CDH1: variants seen among roughly 807,000 people sequenced by gnomAD.
CDH1 encodes cadherin-1.
CDH1 carries 35 observed loss-of-function variants against 84.5 expected under a neutral mutation model. The observed-to-expected ratio is 0.41, with a 90% confidence interval of 0.32 to 0.55. CDH1 has a LOEUF of 0.55. CDH1 is among the 20% of genes least tolerant of loss of function. The pLI is 0.19. For missense variants in CDH1, 994 were observed against 1,126.6 expected, an observed-to-expected ratio of 0.88 and a Z score of 1.68; for synonymous variants, 417 against 439.0, an observed-to-expected ratio of 0.95 and a Z score of 0.63.
chr16:68,756,588 C>T (rs899188040), intron 2 of CDH1, among the ~76,000 whole-genome samples: 14 of 152,250 alleles, frequency 9.2e-5, no homozygotes, highest in African/African-American at 3.4e-4. Context: ...TGCTTGGTGA[C>T]GTTCATGTGG....
intron 2 of CDH1, among the ~76,000 whole-genome samples, chr16:68,785,542 TG>T (rs1960023086): frequency 6.6e-6 from 1 of 152,116 alleles, no homozygotes; most frequent in Non-Finnish European, 1.5e-5. Context: ...TGTGCAGTCG[TG>T]GCTCACTGCA....
At chr16:68,780,297 A>ATT (rs1425325391) in intron 2 of CDH1, among the ~76,000 whole-genome samples, 9 of 151,462 alleles carry the variant, frequency 5.9e-5, no homozygotes, top group Non-Finnish European at 1.2e-4. Flanking sequence ...ATTTTATTTT[A>ATT]TTATTTTTTG....
intron 15 of CDH1, 96 bp from the exon 16 acceptor site, chr16:68,833,194 G>A (rs1010685390): frequency 3.3e-5 from 33 of 998,662 alleles, no homozygotes; most frequent in Non-Finnish European, 5.0e-5. Flanking sequence ...AAGTCTGGGT[G>A]CATTGTCGTA....
At chr16:68,747,657 G>A (rs930349499) in intron 2 of CDH1, among the ~76,000 whole-genome samples, 1 of 152,046 alleles carries the variant, frequency 6.6e-6, no homozygotes, top group Non-Finnish European at 1.5e-5. Flanking sequence ...TTATGCCAGC[G>A]TAAATTCCTA....
In CDH1 at chr16:68,835,357, A is replaced by C. The variant is rs1487994993; in HGVS notation, c.*1858A>C. The C allele has an allele frequency of 4.5e-6, 1 of 223,472 alleles. No individual in the cohort carries two copies. Among genetic ancestry groups the C allele is most frequent in the Non-Finnish European group, 8.9e-6 (1 of 111,732 alleles). 13.8% of individuals were successfully genotyped at this position (223,472 alleles called of 1,614,324 possible). A position where few individuals can be genotyped will look rare whatever the true frequency, so the allele number is the denominator to read the frequency against. On this transcript the variant is annotated 3_prime_UTR_variant, in exon 16 of 16. Transcript: ENST00000261769. ...TTTGGAATTGTCTTGATTTTTCGGC[A>C]GTTCAAGCTATATCGAATATAGTTC... is the stretch of plus-strand genomic sequence containing the variant.
At chr16:68,775,973 A>C (rs967736999) in intron 2 of CDH1, among the ~76,000 whole-genome samples, 12 of 152,126 alleles carry the variant, frequency 7.9e-5, no homozygotes, top group African/African-American at 2.7e-4. Context: ...TGGCTATTTT[A>C]GATTTCTTTT....
In CDH1 at chr16:68,808,840, A is replaced by G. The variant is rs1064796018; in HGVS notation, c.679A>G (p.Thr227Ala). The change falls in exon 5 of 16, where the codon ACA (threonine) becomes GCA (alanine). Residue 227 changes from threonine (T) to alanine (A), a missense_variant. Thr to Ala is a moderately conservative substitution (Grantham distance 58). Around this residue, in one of 3 missense-constraint regions of CDH1, gnomAD observed 769 missense variants for 881.8 expected, o/e 0.87. Coordinates refer to ENST00000261769, the MANE Select transcript of CDH1 (RefSeq NM_004360.5). Reference sequence around the variant, plus strand: ...GCCTCTGGATAGAGAACGCATTGCCACATACACTGTAAGTATCTCTTAGAA... The same window carrying G: ...GCCTCTGGATAGAGAACGCATTGCCGCATACACTGTAAGTATCTCTTAGAA... The part of the protein sequence containing the change: ...TEPLDRERIA[T>A]YTLFSHAVSS... 1.9e-6 allele frequency: 3 copies of G among 1,613,888 alleles called. No individual in the cohort carries two copies. The Admixed American group carries it at 5.0e-5, about 27-fold the overall frequency.
At chr16:68,787,250 C>A (rs1316365031) in intron 2 of CDH1, among the ~76,000 whole-genome samples, 1 of 152,202 alleles carries the variant, frequency 6.6e-6, no homozygotes, top group Non-Finnish European at 1.5e-5. Context: ...AGAACAGAAG[C>A]TTTGGTGCTG....
At chr16:68,829,564 C>A (rs1007816528) in intron 14 of CDH1, 90 bp from the exon 15 acceptor site, 11 of 1,302,666 alleles carry the variant, frequency 8.4e-6, no homozygotes, top group Middle Eastern at 3.6e-4. Context: ...AAGGCATCAT[C>A]CAACCATAAT....
intron 3 of CDH1, 48 bp downstream of exon 3, chr16:68,801,941 T>C (rs2152127148): frequency 4.1e-6 from 6 of 1,468,330 alleles, no homozygotes; most frequent in Non-Finnish European, 5.7e-6. Flanking sequence ...TAGTGCGCTG[T>C]CTAATCCAGG....
intron 2 of CDH1, among the ~76,000 whole-genome samples, chr16:68,759,568 C>T (rs1294571816): frequency 6.6e-6 from 1 of 150,406 alleles, no homozygotes; most frequent in Non-Finnish European, 1.5e-5. Context: ...TGGCTCACTG[C>T]AACCTCCGCC....
chr16:68,805,259 G>A (rs934581033), intron 3 of CDH1, among the ~76,000 whole-genome samples: 1 of 151,270 alleles, frequency 6.6e-6, no homozygotes, highest in Admixed American at 6.6e-5. Flanking sequence ...ACCTCAAGCA[G>A]TCCACCTGCC....
intron 14 of CDH1, 78 bp from the exon 15 acceptor site, chr16:68,829,576 T>C (rs1961420666): frequency 1.4e-6 from 2 of 1,409,538 alleles, no homozygotes; most frequent in South Asian, 2.4e-5. Context: ...AACCATAATC[T>C]ATAAACTGAA....
intron 11 of CDH1, among the ~76,000 whole-genome samples, chr16:68,820,308 A>G (rs1445871589): frequency 6.6e-6 from 1 of 151,834 alleles, no homozygotes; most frequent in African/African-American, 2.4e-5. Flanking sequence ...TTTACAATCC[A>G]TTTCCAAAGC....
In CDH1 at chr16:68,833,239, C is replaced by G. The variant is rs780599877; in HGVS notation, c.2440-51C>G. ...TTGCTAGACTTCTTGCCCCAGATGA[C>G]AGGTGTGCCCTTCCTTTCACTAAAA... On this transcript the variant is annotated intron_variant, in intron 15 of 15. Transcript: ENST00000261769. 5 of 1,508,678 alleles carry G rather than the reference C, an allele frequency of 3.3e-6. No individual in the cohort carries two copies. In the Admixed American group the frequency reaches 8.4e-5, roughly 25 times the overall value. The allele number at this position is 1,508,678 out of a possible 1,614,324, so 93.5% of individuals were successfully genotyped here. A position where few individuals can be genotyped will look rare whatever the true frequency, so the allele number is the denominator to read the frequency against.
intron 2 of CDH1, among the ~76,000 whole-genome samples, chr16:68,791,462 G>T (rs576509489): frequency 6.6e-6 from 1 of 151,610 alleles, no homozygotes; most frequent in Non-Finnish European, 1.5e-5. Flanking sequence ...TCAATCTGTC[G>T]CCCAGGCTGG....
In CDH1 at chr16:68,790,986, G is replaced by A. The variant is rs994375424; in HGVS notation, c.164-10684G>A. Reference sequence around the variant, plus strand: ...GGCCTTGTTGTCAAGAAGGGTATGGGGTATGGGGAGGCAATGAGGCAATCT... The same window carrying A: ...GGCCTTGTTGTCAAGAAGGGTATGGAGTATGGGGAGGCAATGAGGCAATCT... On this transcript the variant is annotated intron_variant, in intron 2 of 15. Transcript: ENST00000261769. 2.0e-5 allele frequency among the ~76,000 whole-genome samples: 3 copies of A among 152,182 alleles called. No individual in the cohort carries two copies. The East Asian group carries it at 5.8e-4, about 29-fold the overall frequency.
chr16:68,759,286 C>T (rs1963097549), intron 2 of CDH1, among the ~76,000 whole-genome samples: 1 of 151,910 alleles, frequency 6.6e-6, no homozygotes, highest in Non-Finnish European at 1.5e-5. Flanking sequence ...TCGCTTGAGC[C>T]CAAGAGTTCA....
At chr16:68,783,343 G>GTC (rs1959935858) in intron 2 of CDH1, among the ~76,000 whole-genome samples, 1 of 146,898 alleles carries the variant, frequency 6.8e-6, no homozygotes, top group African/African-American at 2.5e-5. Context: ...GTTGCAGTGA[G>GTC]CTAAGATGAT....
Sources: allele counts gnomAD v4.1 joint callset (sites outside exome capture counted in the v4.1 genomes callset), GRCh38; gene constraint gnomAD v4.1.1; regional missense constraint gnomAD v4.1.1; transcripts MANE v1.5; gene names NCBI Gene and HGNC (gene_info 2026-07-23, HGNC 2026-07-21).